Variants in SLC35F4 observed in about 807,000 individuals in gnomAD.
SLC35F4 encodes solute carrier family 35 member F4, also known as chromosome 14 open reading frame 36.
A neutral mutation model predicts 44.2 loss-of-function variants in SLC35F4; 24 were observed. The ratio of observed to expected loss-of-function variants is 0.54; its 90% confidence interval spans 0.39 to 0.76. SLC35F4 has a LOEUF of 0.76. Ranked by LOEUF, SLC35F4 falls within the 30% of genes least tolerant of loss-of-function variation. The probability of loss-of-function intolerance (pLI) is 0.00; values close to 1 mark genes in which losing one functional copy is unlikely to be tolerated. For missense variants in SLC35F4, 562 were observed against 586.1 expected (o/e 0.96, Z 0.42); for synonymous variants, 238 against 223.6 (o/e 1.06, Z -0.57).
chr14:57,807,803 T>C (rs1029523115), intron 1 of SLC35F4, among the ~76,000 whole-genome samples: 2 of 151,828 alleles, frequency 1.3e-5, no homozygotes, highest in Admixed American at 1.3e-4. Flanking sequence ...TCTGTCCTCA[T>C]GCCGCTAATA....
intron 1 of SLC35F4, among the ~76,000 whole-genome samples, chr14:57,736,328 T>A (rs932007412): frequency 2.6e-5 from 4 of 152,158 alleles, no homozygotes; most frequent in African/African-American, 9.6e-5. Flanking sequence ...TTTTCTCCCC[T>A]CCACAGTAAC....
chr14:57,844,312 A>AG (rs1474189362), intron 1 of SLC35F4, among the ~76,000 whole-genome samples: 3 of 152,184 alleles, frequency 2.0e-5, no homozygotes, highest in African/African-American at 7.2e-5. Flanking sequence ...CATGTGATAG[A>AG]GGTCTTAATA....
At chr14:57,941,160 A>G (rs1889910400) in intron 1 of SLC35F4, among the ~76,000 whole-genome samples, 1 of 152,234 alleles carries the variant, frequency 6.6e-6, no homozygotes, top group Non-Finnish European at 1.5e-5. Flanking sequence ...ACATAGAATT[A>G]TCACATGACT....
chr14:57,652,390 A>C (rs1341010814), intron 1 of SLC35F4, among the ~76,000 whole-genome samples: 1 of 152,164 alleles, frequency 6.6e-6, no homozygotes, highest in Non-Finnish European at 1.5e-5. Context: ...TCCAACCATC[A>C]TGGGTCCTCA....
chr14:57,589,935 T>A (rs1270674592), intron 2 of SLC35F4, among the ~76,000 whole-genome samples: 1 of 152,232 alleles, frequency 6.6e-6, no homozygotes, highest in African/African-American at 2.4e-5. Context: ...GCTCTCTTGC[T>A]CTTCCCCTCT....
chr14:57,718,414 C>T (rs144952494), intron 1 of SLC35F4, among the ~76,000 whole-genome samples: 1 of 152,266 alleles, frequency 6.6e-6, no homozygotes, highest in Non-Finnish European at 1.5e-5. Flanking sequence ...TTTTGAGGAA[C>T]CTCCAAACTG....
intron 1 of SLC35F4, among the ~76,000 whole-genome samples, chr14:57,928,051 C>A: frequency 6.7e-6 from 1 of 150,150 alleles, no homozygotes. Flanking sequence ...GGTGTAACAC[C>A]ACAGAAGAAA....
Position 57,637,284 on chromosome 14 carries a change from A to G in SLC35F4, c.104-43160T>C, listed in dbSNP as rs943318825. ...ATGCTGGATGCTGATGACAATAATA[A>G]CAGCTGAAGTAGAATCTTACAATTG... is the stretch of plus-strand genomic sequence containing the variant. On this transcript the variant is annotated intron_variant, in intron 1 of 7. Coordinates refer to ENST00000556826, the MANE Select transcript of SLC35F4 (RefSeq NM_001306087.2). Among the ~76,000 whole-genome samples, 3 of 152,232 alleles carry G rather than the reference A, an allele frequency of 2.0e-5. No individual in the cohort carries two copies. The South Asian group carries it at 6.2e-4, about 32-fold the overall frequency.
At chr14:57,579,097 C>G (rs898808454) in intron 4 of SLC35F4, 1 of 152,198 alleles carries the variant, frequency 6.6e-6, no homozygotes, top group South Asian at 2.1e-4. Context: ...CTGTGTGTGT[C>G]TCTTTTGTGA....
At chr14:57,807,398 G>T (rs571191516) in intron 1 of SLC35F4, among the ~76,000 whole-genome samples, 6 of 152,042 alleles carry the variant, frequency 3.9e-5, no homozygotes, top group African/African-American at 1.5e-4. Context: ...AGCCAAAGCC[G>T]TTGCCTCCCT....
At chr14:57,970,737 G>T (rs1162648129) in intron 1 of SLC35F4, among the ~76,000 whole-genome samples, 5 of 152,088 alleles carry the variant, frequency 3.3e-5, no homozygotes, top group African/African-American at 1.2e-4. Flanking sequence ...AAAAATGTTG[G>T]ATAGCTCTGG....
intron 1 of SLC35F4, among the ~76,000 whole-genome samples, chr14:57,909,746 G>T (rs1275077185): frequency 6.6e-6 from 1 of 152,042 alleles, no homozygotes; most frequent in Non-Finnish European, 1.5e-5. Flanking sequence ...TTGCTTCCAA[G>T]TTTTGGCAAT....
upstream of SLC35F4, among the ~76,000 whole-genome samples, chr14:57,868,474 G>C (rs1888228258): frequency 7.0e-6 from 1 of 143,496 alleles, no homozygotes; most frequent in Non-Finnish European, 1.5e-5. Flanking sequence ...TTGAAGAAAG[G>C]ATAATTTTTT....
intron 1 of SLC35F4, among the ~76,000 whole-genome samples, chr14:57,751,646 T>G (rs543724447): frequency 6.6e-6 from 1 of 152,204 alleles, no homozygotes; most frequent in South Asian, 2.1e-4. Flanking sequence ...CTCCTTATAG[T>G]TTGAAGGCAA....
intron 1 of SLC35F4, among the ~76,000 whole-genome samples, chr14:57,633,793 A>G (rs1248769859): frequency 6.6e-6 from 1 of 152,134 alleles, no homozygotes; most frequent in Non-Finnish European, 1.5e-5. Context: ...TAACATTTTG[A>G]GGCTGGCTTT....
intron 2 of SLC35F4, among the ~76,000 whole-genome samples, chr14:57,590,268 C>T (rs1206517343): frequency 6.7e-6 from 1 of 149,520 alleles, no homozygotes; most frequent in East Asian, 1.9e-4. Flanking sequence ...TGGCATATAC[C>T]TTTAGTCCCA....
intron 1 of SLC35F4, among the ~76,000 whole-genome samples, chr14:57,766,359 T>G (rs1050409352): frequency 1.3e-5 from 2 of 152,196 alleles, no homozygotes; most frequent in Admixed American, 1.3e-4. Flanking sequence ...GTCACTACTT[T>G]GCTGTAGGAA....
intron 1 of SLC35F4, among the ~76,000 whole-genome samples, chr14:57,651,135 T>C (rs1375464337): frequency 6.6e-6 from 1 of 152,164 alleles, no homozygotes; most frequent in Non-Finnish European, 1.5e-5. Flanking sequence ...TATAAACTCA[T>C]GGAGACAGAG....
intron 1 of SLC35F4, among the ~76,000 whole-genome samples, chr14:57,980,740 C>T (rs1287643610): frequency 6.6e-6 from 1 of 152,110 alleles, no homozygotes; most frequent in Non-Finnish European, 1.5e-5. Flanking sequence ...TAACTACATG[C>T]AACTAGTATT....
Sources: allele counts gnomAD v4.1 joint callset (sites outside exome capture counted in the v4.1 genomes callset), GRCh38; gene constraint gnomAD v4.1.1; transcripts MANE v1.5; gene names NCBI Gene and HGNC (gene_info 2026-07-23, HGNC 2026-07-21).